Variants in GPC5 observed in about 807,000 individuals in gnomAD.
GPC5 encodes glypican-5.
In GPC5, 47 loss-of-function variants were observed where a neutral mutation model predicts 53.9. The ratio of observed to expected loss-of-function variants is 0.87; its 90% CI spans 0.69 to 1.11. The LOEUF is 1.11. Ranked by LOEUF, GPC5 falls within the 50% of genes most tolerant of loss-of-function variation. GPC5 has a pLI of 0.00. For synonymous variants in GPC5, 286 were observed against 263.3 expected, an observed-to-expected ratio of 1.09 and a Z score of -0.84; for missense variants, 748 against 713.1, an observed-to-expected ratio of 1.05 and a Z score of -0.56.
intron 7 of GPC5, among the ~76,000 whole-genome samples, chr13:92,282,805 C>G (rs577910920): frequency 3.5e-4 from 54 of 152,230 alleles, no homozygotes; most frequent in African/African-American, 1.3e-3. Flanking sequence ...ATTGTAAAGA[C>G]CATCGATGCT....
At chr13:91,427,863 A>G (rs561162349) in intron 1 of GPC5, among the ~76,000 whole-genome samples, 5 of 152,266 alleles carry the variant, frequency 3.3e-5, no homozygotes, top group Admixed American at 3.3e-4. Context: ...TGTTCTCGTG[A>G]TAGTGAGTGA....
intron 1 of GPC5, among the ~76,000 whole-genome samples, chr13:91,422,623 A>G (rs1878718597): frequency 6.7e-6 from 1 of 149,714 alleles, no homozygotes; most frequent in African/African-American, 2.5e-5. Flanking sequence ...GCAACAGAGC[A>G]AGACTCAGTT....
chr13:91,801,339 T>C (rs1295004292), intron 5 of GPC5, among the ~76,000 whole-genome samples: 1 of 151,868 alleles, frequency 6.6e-6, no homozygotes, highest in Non-Finnish European at 1.5e-5. Context: ...TTTTGTTTTT[T>C]GAAAGCTCAG....
chr13:92,280,465 T>G (rs1301588294), intron 7 of GPC5, among the ~76,000 whole-genome samples: 2 of 152,198 alleles, frequency 1.3e-5, no homozygotes, highest in Non-Finnish European at 2.9e-5. Flanking sequence ...TCGGATCCTG[T>G]CTTTTTAAAT....
rs1250835975 is a variant in GPC5 at position 92,801,088 on chromosome 13, T to C, written c.1562-65194T>C. Among the ~76,000 whole-genome samples the C allele has an allele frequency of 2.0e-5, 3 of 151,820 alleles. No individual in the cohort carries two copies. In the East Asian group the frequency reaches 5.8e-4, roughly 30 times the overall value. On this transcript the variant is annotated intron_variant, in intron 7 of 7. Coordinates refer to ENST00000377067, the MANE Select transcript of GPC5 (RefSeq NM_004466.6). ...AATTAGGTATAAAATGTATTTTATGTACATTCTATATAACAAAATATGTGT... is the reference window on the plus strand; with the variant it reads ...AATTAGGTATAAAATGTATTTTATGCACATTCTATATAACAAAATATGTGT...
At chr13:92,513,923 CAA>C (rs34556248) in intron 7 of GPC5, among the ~76,000 whole-genome samples, 2 of 151,940 alleles carry the variant, frequency 1.3e-5, no homozygotes, top group Non-Finnish European at 2.9e-5. Flanking sequence ...TGTTGGCACT[CAA>C]AAAGTTTCAG....
chr13:92,486,225 G>C (rs1319867608), intron 7 of GPC5, among the ~76,000 whole-genome samples: 1 of 151,922 alleles, frequency 6.6e-6, no homozygotes, highest in African/African-American at 2.4e-5. Flanking sequence ...TAATTATATG[G>C]GCTGTCAGGC....
At chr13:92,280,993 C>T (rs2042910923) in intron 7 of GPC5, among the ~76,000 whole-genome samples, 1 of 152,198 alleles carries the variant, frequency 6.6e-6, no homozygotes. Context: ...AATTCCCTTT[C>T]CCAGTCAAGG....
intron 2 of GPC5, among the ~76,000 whole-genome samples, chr13:91,615,648 G>C (rs987007526): frequency 6.6e-6 from 1 of 152,074 alleles, no homozygotes; most frequent in African/African-American, 2.4e-5. Flanking sequence ...GCAGCTCACA[G>C]GGCTTCCCCA....
At chr13:92,545,093 C>T (rs1272829300) in intron 7 of GPC5, among the ~76,000 whole-genome samples, 3 of 151,850 alleles carry the variant, frequency 2.0e-5, no homozygotes, top group Non-Finnish European at 2.9e-5. Flanking sequence ...CAACAGGCCC[C>T]GGTGTGTGAT....
intron 7 of GPC5, among the ~76,000 whole-genome samples, chr13:92,724,809 T>C (rs1435021320): frequency 6.6e-6 from 1 of 150,706 alleles, no homozygotes; most frequent in Non-Finnish European, 1.5e-5. Context: ...GTGACTATAA[T>C]TAACAATGCT....
At chr13:91,709,811 A>G (rs949119513) in intron 3 of GPC5, among the ~76,000 whole-genome samples, 1 of 152,216 alleles carries the variant, frequency 6.6e-6, no homozygotes, top group South Asian at 2.1e-4. Flanking sequence ...CTGATCATCA[A>G]CTTAAGAAAT....
intron 7 of GPC5, among the ~76,000 whole-genome samples, chr13:92,253,681 A>G (rs2042707459): frequency 6.6e-6 from 1 of 152,122 alleles, no homozygotes; most frequent in African/African-American, 2.4e-5. Flanking sequence ...ATTTTTAATT[A>G]AAATACTCTA....
At chr13:91,750,674 C>CTTTTTTTT (rs752907631) in intron 4 of GPC5, among the ~76,000 whole-genome samples, 30 of 82,016 alleles carry the variant, frequency 3.7e-4, no homozygotes, top group Non-Finnish European at 4.8e-4. Flanking sequence ...TAGGTAAGTC[C>CTTTTTTTT]TTTTTTTTTT....
chr13:92,621,929 A>G (rs1389356925), intron 7 of GPC5, among the ~76,000 whole-genome samples: 1 of 152,152 alleles, frequency 6.6e-6, no homozygotes. Context: ...CAACTACAAC[A>G]ACAAAAACAA....
chr13:92,832,474 A>C (rs1392159261), intron 7 of GPC5, among the ~76,000 whole-genome samples: 3 of 152,214 alleles, frequency 2.0e-5, no homozygotes, highest in African/African-American at 7.2e-5. Context: ...ATATTTTTTA[A>C]AACTTCTTAC....
intron 7 of GPC5, among the ~76,000 whole-genome samples, chr13:92,220,629 AAAT>A (rs1240388614): frequency 7.2e-5 from 11 of 152,212 alleles, no homozygotes; most frequent in Non-Finnish European, 1.2e-4. Context: ...CATATTGAGA[AAAT>A]AATATTTTTT....
Position 91,770,078 on chromosome 13 carries a change from C to A in GPC5, c.1280+13658C>A, listed in dbSNP as rs148326853. Among the ~76,000 whole-genome samples the A allele has an allele frequency of 2.2e-4, 34 of 152,242 alleles. 1 individual carries two copies. The East Asian group carries it at 6.6e-3, about 29-fold the overall frequency. On this transcript the variant is annotated intron_variant, in intron 5 of 7. Transcript: ENST00000377067. ...TCATGAGTCCCTTCTTGGGTTTTAT[C>A]ATTTGCTAGAATGGCTCACAGGACT...
chr13:92,748,764 G>T (rs928708835), intron 7 of GPC5, among the ~76,000 whole-genome samples: 1 of 151,892 alleles, frequency 6.6e-6, no homozygotes, highest in African/African-American at 2.4e-5. Context: ...ATTGTTAATA[G>T]AAATATCCTT....
Sources: allele counts gnomAD v4.1 joint callset (sites outside exome capture counted in the v4.1 genomes callset), GRCh38; gene constraint gnomAD v4.1.1; transcripts MANE v1.5; gene names NCBI Gene and HGNC (gene_info 2026-07-23, HGNC 2026-07-21).